EML5: variants seen among roughly 807,000 people sequenced by gnomAD.
The protein encoded by EML5 is echinoderm microtubule-associated protein-like 5.
EML5 carries 120 observed loss-of-function variants against 250.0 expected under a neutral mutation model. That is an observed-to-expected ratio of 0.48 (90% CI 0.41 to 0.56). The LOEUF (loss-of-function observed/expected upper bound fraction) is 0.56, where lower values mean the gene tolerates loss of function less well. EML5 is among the 20% of genes least tolerant of loss of function. The pLI, the probability that EML5 is intolerant of heterozygous loss-of-function variation, is 0.00. For synonymous variants in EML5, 771 were observed against 806.5 expected, an observed-to-expected ratio of 0.96 and a Z score of 0.75; for missense variants, 2,006 against 2,437.6, an observed-to-expected ratio of 0.82 and a Z score of 3.73.
chr14:88,703,777 A>T (rs2093263828), intron 13 of EML5, among the ~76,000 whole-genome samples: 1 of 152,172 alleles, frequency 6.6e-6, no homozygotes, highest in African/African-American at 2.4e-5. Flanking sequence ...ATTTTGGTGA[A>T]ATTAAAATAT....
At chr14:88,734,922 C>G (rs2093815762) in intron 7 of EML5, among the ~76,000 whole-genome samples, 1 of 152,034 alleles carries the variant, frequency 6.6e-6, no homozygotes, top group Non-Finnish European at 1.5e-5. Context: ...ATATGAAGCT[C>G]ATTTGGGTCC....
At chr14:88,727,703 A>G (rs1166421428) in intron 7 of EML5, among the ~76,000 whole-genome samples, 1 of 152,122 alleles carries the variant, frequency 6.6e-6, no homozygotes, top group Non-Finnish European at 1.5e-5. Context: ...CAGCCAATAC[A>G]ATGCATTTTT....
At chr14:88,642,517 C>T (rs375039945) in intron 31 of EML5, among the ~76,000 whole-genome samples, 8 of 152,130 alleles carry the variant, frequency 5.3e-5, no homozygotes, top group African/African-American at 1.9e-4. Flanking sequence ...CAACATGCTA[C>T]ATTCAATCAC....
At chr14:88,776,534 G>A (rs1477034994) in intron 1 of EML5, among the ~76,000 whole-genome samples, 5 of 151,946 alleles carry the variant, frequency 3.3e-5, no homozygotes, top group African/African-American at 1.2e-4. Context: ...GAAAGAATTA[G>A]TGAGTCTGAA....
At chr14:88,663,922 C>G (rs1027599751) in intron 23 of EML5, among the ~76,000 whole-genome samples, 2 of 152,204 alleles carry the variant, frequency 1.3e-5, no homozygotes, top group Non-Finnish European at 2.9e-5. Flanking sequence ...ATTTAAATCA[C>G]TTTACAAATT....
At position 88,740,554 on chromosome 14, in the gene EML5, T is replaced by C. The variant is rs1477021395; in HGVS notation, c.544A>G (p.Asn182Asp). The change falls in exon 5 of 44, where the codon AAT becomes GAT. Residue 182 changes from asparagine to aspartate, a missense_variant. Asn to Asp is a conservative substitution (Grantham distance 23, BLOSUM62 1). Around this residue, in one of 7 missense-constraint regions of EML5, gnomAD observed 1,375 missense variants for 1,590.3 expected, o/e 0.86. Transcript: ENST00000554922. ...ACACCTCGTTTTGGGGTCAGAGCAT[T>C]TCCACATAAACTCCAGAACTAAAAG... ...KHIKFWSLCG[N>D]ALTPKRGVFG... 2 of 1,609,296 alleles carry C rather than the reference T, an allele frequency of 1.2e-6. No homozygotes were observed. The highest frequency in any genetic ancestry group is 2.2e-5 in the South Asian group (2 of 90,324).
rs906250189 is a variant in EML5 at position 88,660,509 on chromosome 14, G to A, written c.3675+1145C>T. The stretch of plus-strand genomic sequence containing the variant: ...TGTAATCCTAGTACTTTGGGAGGTC[G>A]AAGTGGGCGGATCACAAGGTCAGGA... On this transcript the variant is annotated intron_variant, in intron 25 of 43. Transcript: ENST00000554922. Among the ~76,000 whole-genome samples the A allele has an allele frequency of 2.2e-4, 34 of 152,054 alleles. 1 individual carries two copies. The highest frequency in any genetic ancestry group is 1.2e-3 in the Admixed American group (19 of 15,262).
chr14:88,622,639 C>CT lies in EML5; in HGVS notation c.4977dup (p.Ala1660SerfsTer23). ...CACACAGAACGAACACAATCTGTGG[C>CT]TTGTCCTGTCTCAAGCCTGAAGGCA... On this transcript the variant is annotated frameshift_variant, in exon 37 of 44. Transcript: ENST00000554922. LOFTEE classifies it high-confidence loss of function. 1 of 1,611,026 alleles carries CT rather than the reference C, an allele frequency of 6.2e-7. No individual in the cohort carries two copies. Among genetic ancestry groups the CT allele is most frequent in the Non-Finnish European group, 8.5e-7 (1 of 1,178,434 alleles).
chr14:88,744,419 A>G (rs915279211), intron 3 of EML5, among the ~76,000 whole-genome samples: 39 of 152,040 alleles, frequency 2.6e-4, no homozygotes, highest in Non-Finnish European at 2.9e-4. Flanking sequence ...AGGTGCTTGC[A>G]TAATTTCTAC....
chr14:88,655,882 G>A (rs908509570), intron 27 of EML5, among the ~76,000 whole-genome samples: 5 of 152,120 alleles, frequency 3.3e-5, no homozygotes, highest in Admixed American at 2.6e-4. Context: ...ATCATCACTG[G>A]TCATTAGAGA....
chr14:88,710,304 A>G (rs1441073294), intron 10 of EML5, among the ~76,000 whole-genome samples: 1 of 152,212 alleles, frequency 6.6e-6, no homozygotes, highest in East Asian at 1.9e-4. Flanking sequence ...CTAACTTCGT[A>G]TATTTTTTGT....
At chr14:88,781,686 T>C (rs1463462198) in intron 1 of EML5, among the ~76,000 whole-genome samples, 3 of 152,166 alleles carry the variant, frequency 2.0e-5, no homozygotes, top group Non-Finnish European at 4.4e-5. Flanking sequence ...TGAGTTCCCA[T>C]GAGATCTGAT....
chr14:88,629,698 T>A (rs2090319047), intron 33 of EML5, among the ~76,000 whole-genome samples: 1 of 152,166 alleles, frequency 6.6e-6, no homozygotes. Flanking sequence ...TTCTAATGCT[T>A]ACCTTCTAGG....
chr14:88,734,007 G>GAAGTAA (rs1555366310), intron 7 of EML5, among the ~76,000 whole-genome samples: 1 of 150,402 alleles, frequency 6.6e-6, no homozygotes, highest in Non-Finnish European at 1.5e-5. Context: ...CAACCTACAC[G>GAAGTAA]AAGTAAAAAA....
rs373987713 is a variant in EML5 at position 88,622,700 on chromosome 14, C to T, written c.4917G>A (p.Ala1639=). ...TCAGTTCCTGATCCCACAGTTTAAC[C>T]GCTCCTCCTTCTTTTGACCTAAGTA... The part of the protein sequence containing the change: ...GKERPSKEGG[A]VKLWDQELRR... Residue 1639 remains alanine, a synonymous_variant, in exon 37 of 44, where the codon GCG becomes GCA. Transcript: ENST00000554922. 1.7e-5 allele frequency: 28 copies of T among 1,607,262 alleles called. No individual in the cohort carries two copies. The highest frequency in any genetic ancestry group is 2.1e-5 in the Non-Finnish European group (25 of 1,176,782).
chr14:88,731,759 T>C (rs540807532), intron 7 of EML5, among the ~76,000 whole-genome samples: 102 of 152,334 alleles, frequency 6.7e-4, no homozygotes, highest in South Asian at 3.9e-3. Context: ...ATGATCACCA[T>C]TCTAACTGGT....
At chr14:88,732,290 C>T (rs184305611) in intron 7 of EML5, among the ~76,000 whole-genome samples, 1 of 152,228 alleles carries the variant, frequency 6.6e-6, no homozygotes, top group Admixed American at 6.5e-5. Context: ...ATATGGCTAG[C>T]CAGTTTTCCC....
chr14:88,722,156 A>C (rs1475153562), intron 8 of EML5, among the ~76,000 whole-genome samples: 1 of 152,246 alleles, frequency 6.6e-6, no homozygotes, highest in Non-Finnish European at 1.5e-5. Context: ...ATGCTTTTAC[A>C]CTGTTGGTGG....
chr14:88,714,975 C>A lies in EML5; in HGVS notation c.1408G>T (p.Asp470Tyr). The A allele has an allele frequency of 6.2e-7, 1 of 1,612,828 alleles. No homozygotes were observed. Among genetic ancestry groups the A allele is most frequent in the Non-Finnish European group, 8.5e-7 (1 of 1,179,584 alleles). The stretch of plus-strand genomic sequence containing the variant: ...TAAAAAAGTCTTTTCCCATTTCCAT[C>A]ATTTGTCTGCAAATATCTACTGTCT... ...SSDSRYLQTNDGNGKRLFYRM... is the reference protein window; with the variant it reads ...SSDSRYLQTNYGNGKRLFYRM... Residue 470 changes from aspartate to tyrosine, a missense_variant, in exon 9 of 44, where the codon GAT becomes TAT. Coordinates refer to ENST00000554922, the MANE Select transcript of EML5 (RefSeq NM_183387.3).
Sources: allele counts gnomAD v4.1 joint callset (sites outside exome capture counted in the v4.1 genomes callset), GRCh38; gene constraint gnomAD v4.1.1; regional missense constraint gnomAD v4.1.1; transcripts MANE v1.5; gene names NCBI Gene and HGNC (gene_info 2026-07-23, HGNC 2026-07-21).